GSDMA: variants seen among roughly 807,000 people sequenced by gnomAD.
The protein encoded by GSDMA is gasdermin A, also known as gasdermin-A.
Under a neutral mutation model 54.3 loss-of-function variants are expected in GSDMA, and 55 were observed. The ratio of observed to expected loss-of-function variants is 1.01; its 90% CI spans 0.82 to 1.27. The LOEUF is 1.27. GSDMA is among the 50% of genes most tolerant of loss of function. The pLI, the probability that GSDMA is intolerant of heterozygous loss-of-function variation, is 0.00. For synonymous variants in GSDMA, 211 were observed against 224.7 expected, an observed-to-expected ratio of 0.94 and a Z score of 0.54; for missense variants, 542 against 542.6, an observed-to-expected ratio of 1.00 and a Z score of 0.01.
chr17:39,973,868 T>C, intron 8 of GSDMA, 38 bp downstream of exon 8: 5 of 1,596,010 alleles, frequency 3.1e-6, no homozygotes, highest in Middle Eastern at 3.3e-4. Context: ...GACTTTGGCA[T>C]GGAGGTAGCA....
intron 6 of GSDMA, 136 bp downstream of exon 6, chr17:39,972,312 A>G: frequency 1.5e-6 from 1 of 649,992 alleles, no homozygotes; most frequent in South Asian, 1.8e-5. Context: ...AGTCCCTAAG[A>G]ATACCTAGCC....
chr17:39,965,503 A>G (rs779897264), intron 1 of GSDMA, 180 bp from the exon 2 acceptor site: 28 of 594,004 alleles, frequency 4.7e-5, no homozygotes, highest in Non-Finnish European at 7.8e-5. Flanking sequence ...GTTCCTCATC[A>G]TAAAATGCAG....
intron 9 of GSDMA, 60 bp downstream of exon 9, chr17:39,974,487 T>C: frequency 3.2e-6 from 4 of 1,255,472 alleles, no homozygotes; most frequent in Non-Finnish European, 4.3e-6. Flanking sequence ...GAAGATTTGG[T>C]GGGGGCGGGT....
chr17:39,973,236 G>A (rs943101493), intron 7 of GSDMA, among the ~76,000 whole-genome samples: 5 of 150,628 alleles, frequency 3.3e-5, no homozygotes, highest in Non-Finnish European at 7.4e-5. Flanking sequence ...GCCTCCCAAA[G>A]TATTGGGATT....
At chr17:39,976,466 CAG>C (rs1980205097) in intron 11 of GSDMA, among the ~76,000 whole-genome samples, 1 of 151,984 alleles carries the variant, frequency 6.6e-6, no homozygotes, top group Non-Finnish European at 1.5e-5. Flanking sequence ...TTAGTAGAGA[CAG>C]GGTTTCACCA....
rs376865251 is a variant in GSDMA, at chr17:39,974,988, T to C, written c.995T>C (p.Ile332Thr). ...CTATCAAAGGAGGCCGTGGGCGCCA[T>C]CCTCTATTTCGTTGGAGCCCTAACA... ...VLLSKEAVGAILYFVGALTEL... is the reference protein window; with the variant it reads ...VLLSKEAVGATLYFVGALTEL... The change falls in exon 10 of 12, where the codon ATC (isoleucine) becomes ACC (threonine). Residue 332 changes from isoleucine to threonine, a missense_variant. By Grantham distance (89) the Ile-to-Thr change is moderately conservative. Transcript: ENST00000301659. 2 of 1,611,988 alleles carry C rather than the reference T, an allele frequency of 1.2e-6. No individual in the cohort carries two copies. The highest frequency in any genetic ancestry group is 1.3e-5 in the African/African-American group (1 of 74,892).
chr17:39,963,397 G>A (rs1014308724), intron 1 of GSDMA, among the ~76,000 whole-genome samples: 15 of 151,330 alleles, frequency 9.9e-5, no homozygotes, highest in Admixed American at 4.6e-4. Context: ...CATCTGTGCC[G>A]TGCTTCCTGC....
At chr17:39,967,841 TTTTTATTTATTTA>T (rs1210780465) in intron 3 of GSDMA, among the ~76,000 whole-genome samples, 2 of 151,300 alleles carry the variant, frequency 1.3e-5, no homozygotes, top group East Asian at 1.9e-4. Flanking sequence ...CCCGGATAAT[TTTTTATTTATTTA>T]TTTTATTTAT....
At chr17:39,968,139 G>C (rs1979753633) in intron 3 of GSDMA, among the ~76,000 whole-genome samples, 1 of 152,014 alleles carries the variant, frequency 6.6e-6, no homozygotes, top group Non-Finnish European at 1.5e-5. Flanking sequence ...TTACAGGGAA[G>C]TAATCCCAGT....
Position 39,974,389 on chromosome 17 carries a change from C to A in GSDMA, c.868C>A (p.Leu290Ile). 1 of 1,593,024 alleles carries A rather than the reference C, an allele frequency of 6.3e-7. No individual in the cohort carries two copies. Among genetic ancestry groups the A allele is most frequent in the African/African-American group, 1.3e-5 (1 of 74,446 alleles). ...CCTGCTCAGCTCCCTCAGCAAACTT[C>A]TAGGGAAGAAAAAGGAGCTACAAGA... ...SSLLSSLSKL[L>I]GKKKELQDLE... The change falls in exon 9 of 12, where the codon CTA becomes ATA. Residue 290 changes from leucine to isoleucine, a missense_variant. Physicochemically the swap from Leu to Ile is conservative, Grantham distance 5. Coordinates refer to ENST00000301659, the MANE Select transcript of GSDMA (RefSeq NM_178171.5).
At chr17:39,965,541 AT>A in intron 1 of GSDMA, 141 bp from the exon 2 acceptor site, 1 of 632,374 alleles carries the variant, frequency 1.6e-6, no homozygotes, top group Non-Finnish European at 2.8e-6. Flanking sequence ...CAGCTGTGAC[AT>A]GAGACAATCC....
At chr17:39,970,751 C>G in intron 4 of GSDMA, 104 bp downstream of exon 4, 2 of 1,129,686 alleles carry the variant, frequency 1.8e-6, no homozygotes, top group Non-Finnish European at 1.1e-6. Context: ...ATTAGCTTTG[C>G]CTGATCAGCG....
In GSDMA at chr17:39,976,918, A is replaced by C. The variant is rs377061493; in HGVS notation, c.1198A>C (p.Thr400Pro). Reference protein sequence around the residue: ...SSLGDEELTLTEALVGLSGLE... With the variant: ...SSLGDEELTLPEALVGLSGLE... ...CCTTGGGGACGAGGAGCTGACCCTC[A>C]CGGAGGCTCTAGTCGGGCTGAGTGG... Residue 400 changes from threonine (T) to proline (P), a missense_variant, in exon 12 of 12, where the codon ACG (threonine) becomes CCG (proline). Thr to Pro is a conservative substitution (Grantham distance 38, BLOSUM62 -1). Coordinates refer to ENST00000301659, the MANE Select transcript of GSDMA (RefSeq NM_178171.5). 14 of 1,613,838 alleles carry C rather than the reference A, an allele frequency of 8.7e-6. No homozygotes were observed. Among genetic ancestry groups the C allele is most frequent in the South Asian group, 3.3e-5 (3 of 91,086 alleles).
chr17:39,968,365 T>TTTAA (rs1979771396), intron 3 of GSDMA, among the ~76,000 whole-genome samples: 1 of 139,924 alleles, frequency 7.1e-6, no homozygotes, highest in Non-Finnish European at 1.5e-5. Context: ...TTTTTTTTTT[T>TTTAA]GAGACGGAGT....
chr17:39,971,647 C>T, intron 5 of GSDMA, 27 bp downstream of exon 5: 1 of 1,559,852 alleles, frequency 6.4e-7, no homozygotes, highest in Non-Finnish European at 8.8e-7. Context: ...ATGTTCTCCC[C>T]ACAAGATGAG....
chr17:39,965,567 G>A lies in GSDMA; in HGVS notation c.-5-116G>A. ...TGAGACAATCCAGGCATCTCTAAGA[G>A]CTCCTCCTGCCTCAGAGCCGGGTAA... On this transcript the variant is annotated intron_variant, in intron 1 of 11. Coordinates refer to ENST00000301659, the MANE Select transcript of GSDMA (RefSeq NM_178171.5). The A allele has an allele frequency of 5.7e-6, 4 of 701,418 alleles. No homozygotes were observed. The East Asian group carries it at 1.1e-4, about 19-fold the overall frequency. 43.4% of individuals were successfully genotyped at this position (701,418 alleles called of 1,614,324 possible).
rs1980236991 is a variant in GSDMA, at chr17:39,977,134, G to A, written c.*76G>A. The A allele has an allele frequency of 6.7e-7, 1 of 1,498,882 alleles. No homozygotes were observed. Among genetic ancestry groups the A allele is most frequent in the Non-Finnish European group, 9.1e-7 (1 of 1,096,318 alleles). 92.8% of individuals were successfully genotyped at this position (1,498,882 alleles called of 1,614,324 possible). A position where few individuals can be genotyped will look rare whatever the true frequency, so the allele number is the denominator to read the frequency against. ...GGTGCTGTGTCCTTACCACCTAAGG[G>A]CATTTCAGAGCCATCAGCTGAAGAC... is the stretch of plus-strand genomic sequence containing the variant. On this transcript the variant is annotated 3_prime_UTR_variant, in exon 12 of 12. Transcript: ENST00000301659.
intron 1 of GSDMA, among the ~76,000 whole-genome samples, chr17:39,965,221 GAA>G (rs1341356557): frequency 9.0e-6 from 1 of 110,516 alleles, no homozygotes; most frequent in Non-Finnish European, 1.6e-5. Context: ...AAAGAGGAAA[GAA>G]AGAAAGAAGG....
At chr17:39,963,132 C>G (rs1443045894) in intron 1 of GSDMA, 47 bp downstream of exon 1, 1 of 152,708 alleles carries the variant, frequency 6.5e-6, no homozygotes, top group Non-Finnish European at 1.5e-5. Flanking sequence ...TCTGAGGACA[C>G]AGGAAGATGG....
Sources: gnomAD v4.1 joint callset for allele counts (sites outside exome capture counted in the v4.1 genomes callset) on GRCh38, gnomAD v4.1.1 for gene constraint, MANE v1.5 for transcripts, NCBI Gene and HGNC (gene_info 2026-07-23, HGNC 2026-07-21) for gene names.